CSMD1: variants seen among roughly 807,000 people sequenced by gnomAD.
The protein encoded by CSMD1 is CUB and Sushi multiple domains 1.
A neutral mutation model predicts 417.5 loss-of-function variants in CSMD1; 213 were observed. The observed-to-expected ratio is 0.51, with a 90% CI of 0.46 to 0.57. The LOEUF is 0.57. Ranked by LOEUF, CSMD1 falls within the 20% of genes least tolerant of loss-of-function variation. CSMD1 has a pLI of 0.00. For synonymous variants in CSMD1, 2,862 were observed against 1,736.8 expected, an observed-to-expected ratio of 1.65 and a Z score of -16.11; for missense variants, 6,923 against 4,529.7, an observed-to-expected ratio of 1.53 and a Z score of -15.17.
At chr8:4,174,134 G>C (rs1797912999) in intron 3 of CSMD1, among the ~76,000 whole-genome samples, 1 of 152,046 alleles carries the variant, frequency 6.6e-6, no homozygotes, top group Non-Finnish European at 1.5e-5. Flanking sequence ...GGAAAGGGAG[G>C]GTCACCCACC....
chr8:4,615,141 G>A lies in CSMD1; in HGVS notation c.302+22201C>T, dbSNP rs554996118. On this transcript the variant is annotated intron_variant, in intron 2 of 69. Transcript: ENST00000635120. Reference sequence around the variant, plus strand: ...ACAAAATAAGTGGGGCACAAGAAGAGGAAAAAGCAACTACCCATTTCAAAT... The same window carrying A: ...ACAAAATAAGTGGGGCACAAGAAGAAGAAAAAGCAACTACCCATTTCAAAT... Among the ~76,000 whole-genome samples, 5 of 152,212 alleles carry A rather than the reference G, an allele frequency of 3.3e-5. No individual in the cohort carries two copies. In the East Asian group the frequency reaches 9.7e-4, roughly 29 times the overall value.
At chr8:4,044,565 A>G (rs182380513) in intron 3 of CSMD1, among the ~76,000 whole-genome samples, 17 of 152,296 alleles carry the variant, frequency 1.1e-4, no homozygotes, top group African/African-American at 4.1e-4. Context: ...ACCACGGCAG[A>G]GCTCGGTCAC....
intron 2 of CSMD1, among the ~76,000 whole-genome samples, chr8:4,436,660 C>G (rs1036665907): frequency 6.6e-6 from 1 of 152,076 alleles, no homozygotes; most frequent in Admixed American, 6.6e-5. Flanking sequence ...ATCACCACCT[C>G]CTTCCTTCAC....
chr8:4,301,208 T>G (rs1235323542), intron 3 of CSMD1, among the ~76,000 whole-genome samples: 1 of 152,130 alleles, frequency 6.6e-6, no homozygotes, highest in Non-Finnish European at 1.5e-5. Flanking sequence ...CTGCTAAACT[T>G]TTGGCTAGTT....
Position 4,233,573 on chromosome 8 carries a change from G to T in CSMD1, c.415+186380C>A, listed in dbSNP as rs893153349. 2.0e-5 allele frequency among the ~76,000 whole-genome samples: 3 copies of T among 152,100 alleles called. No homozygotes were observed. In the East Asian group the frequency reaches 5.8e-4, roughly 29 times the overall value. ...CCACTGTCTGAGGACACAGGGAGAA[G>T]GCCCTGTCTATGAACCAGGAAATGA... On this transcript the variant is annotated intron_variant, in intron 3 of 69. Transcript: ENST00000635120.
At chr8:4,808,690 A>C (rs904313319) in intron 1 of CSMD1, among the ~76,000 whole-genome samples, 3 of 152,234 alleles carry the variant, frequency 2.0e-5, no homozygotes, top group African/African-American at 7.2e-5. Flanking sequence ...TACTGGTTTA[A>C]AAATCTACTG....
intron 3 of CSMD1, among the ~76,000 whole-genome samples, chr8:4,416,974 A>C (rs1201217902): frequency 6.6e-6 from 1 of 152,040 alleles, no homozygotes. Context: ...TAATTTGTCA[A>C]AGACAGCTAT....
chr8:4,949,616 C>T (rs901188742), intron 1 of CSMD1, among the ~76,000 whole-genome samples: 1 of 152,140 alleles, frequency 6.6e-6, no homozygotes, highest in Non-Finnish European at 1.5e-5. Flanking sequence ...ATTGCCCTTC[C>T]ACATCCCCAA....
At chr8:3,531,429 T>G (rs1050350132) in intron 10 of CSMD1, among the ~76,000 whole-genome samples, 1 of 152,168 alleles carries the variant, frequency 6.6e-6, no homozygotes, top group Non-Finnish European at 1.5e-5. Context: ...TTATTCTATA[T>G]GTGATAAACA....
intron 2 of CSMD1, among the ~76,000 whole-genome samples, chr8:4,466,967 T>C (rs1800210756): frequency 6.6e-6 from 1 of 151,914 alleles, no homozygotes; most frequent in South Asian, 2.1e-4. Context: ...TTCCCTTAGC[T>C]GTAAGGAAAT....
chr8:3,611,239 T>C (rs1384377864), intron 8 of CSMD1, among the ~76,000 whole-genome samples: 1 of 106,848 alleles, frequency 9.4e-6, no homozygotes, highest in Admixed American at 9.6e-5. Flanking sequence ...ATAATAATAA[T>C]AAAGTTAAAT....
chr8:4,241,623 G>T (rs1244357708), intron 3 of CSMD1, among the ~76,000 whole-genome samples: 1 of 152,062 alleles, frequency 6.6e-6, no homozygotes, highest in Non-Finnish European at 1.5e-5. Flanking sequence ...CTATGTAGAG[G>T]AGAAATAATT....
At chr8:4,818,366 C>T (rs1162010698) in intron 1 of CSMD1, among the ~76,000 whole-genome samples, 12 of 152,144 alleles carry the variant, frequency 7.9e-5, no homozygotes, top group African/African-American at 2.9e-4. Flanking sequence ...AATGTTCCTT[C>T]AATAAGTGCC....
intron 5 of CSMD1, among the ~76,000 whole-genome samples, chr8:3,931,063 A>G (rs998269375): frequency 2.0e-5 from 3 of 150,568 alleles, no homozygotes; most frequent in Non-Finnish European, 3.0e-5. Flanking sequence ...TCGCTGAGAT[A>G]AAGTTTTAAA....
chr8:3,265,703 A>T (rs1380610421), intron 26 of CSMD1, among the ~76,000 whole-genome samples: 1 of 152,202 alleles, frequency 6.6e-6, no homozygotes, highest in African/African-American at 2.4e-5. Flanking sequence ...GAATCTGAAG[A>T]GGTTTTTTTC....
At position 4,340,349 on chromosome 8, in the gene CSMD1, C is replaced by T. The variant is rs541476774; in HGVS notation, c.415+79604G>A. Among the ~76,000 whole-genome samples, 13 of 152,120 alleles carry T rather than the reference C, an allele frequency of 8.5e-5. No homozygotes were observed. In the East Asian group the frequency reaches 2.1e-3, roughly 25 times the overall value. ...ATTGGCTGGGATGAGGTTTGAGGGG[C>T]TGCTACACCCTAGTTAAAAATGTAG... On this transcript the variant is annotated intron_variant, in intron 3 of 69. Transcript: ENST00000635120.
At chr8:4,355,005 G>C (rs1801331585) in intron 3 of CSMD1, among the ~76,000 whole-genome samples, 1 of 151,908 alleles carries the variant, frequency 6.6e-6, no homozygotes, top group Non-Finnish European at 1.5e-5. Context: ...GCTCACGCCT[G>C]TAATCCCAGC....
At chr8:3,987,052 T>A (rs1168617272) in intron 5 of CSMD1, among the ~76,000 whole-genome samples, 2 of 152,174 alleles carry the variant, frequency 1.3e-5, no homozygotes, top group Admixed American at 6.5e-5. Flanking sequence ...ACCGCATCCA[T>A]CCAAAATGTT....
chr8:4,309,221 C>CTT (rs1251970846), intron 3 of CSMD1, among the ~76,000 whole-genome samples: 10 of 152,110 alleles, frequency 6.6e-5, no homozygotes, highest in Admixed American at 5.9e-4. Flanking sequence ...TTGATATTAC[C>CTT]GTTAAGTGCA....
Sources: allele counts gnomAD v4.1 joint callset (sites outside exome capture counted in the v4.1 genomes callset), GRCh38; gene constraint gnomAD v4.1.1; transcripts MANE v1.5; gene names NCBI Gene and HGNC (gene_info 2026-07-23, HGNC 2026-07-21).